PAK3: variants seen among roughly 807,000 people sequenced by gnomAD.
PAK3 encodes the protein serine/threonine-protein kinase PAK 3.
PAK3 carries 4 observed loss-of-function variants against 41.0 expected under a neutral mutation model. That is an observed-to-expected ratio of 0.10 (90% CI 0.05 to 0.22). The LOEUF (loss-of-function observed/expected upper bound fraction) is 0.22, where lower values mean the gene tolerates loss of function less well. Ranked by LOEUF, PAK3 falls within the 10% of genes least tolerant of loss-of-function variation. The pLI is 1.00. For synonymous variants in PAK3, 146 were observed against 139.6 expected (o/e 1.05, Z -0.32); for missense variants, 205 against 409.9 (o/e 0.50, Z 4.32).
intron 4 of PAK3, among the ~76,000 whole-genome samples, chrX:111,122,631 A>T (rs912093383): frequency 8.1e-5 from 9 of 111,699 alleles, no homozygotes; most frequent in African/African-American, 2.9e-4. Context: ...ATGTTAAAGC[A>T]GCTAACAAGT....
chrX:110,981,693 G>T (rs1023399511), intron 1 of PAK3, among the ~76,000 whole-genome samples: 1 of 110,759 alleles, frequency 9.0e-6, no homozygotes, highest in African/African-American at 3.3e-5. Flanking sequence ...AGCTTCAGAT[G>T]AAAATCACAA....
chrX:110,965,211 G>C (rs1181642956), intron 1 of PAK3, among the ~76,000 whole-genome samples: 1 of 112,298 alleles, frequency 8.9e-6, no homozygotes, highest in Non-Finnish European at 1.9e-5. Flanking sequence ...CCTTGGGGAG[G>C]TGGGTTTGCA....
At chrX:111,110,373 G>A (rs2093349351) in intron 4 of PAK3, among the ~76,000 whole-genome samples, 1 of 111,726 alleles carries the variant, frequency 9.0e-6, no homozygotes, top group Non-Finnish European at 1.9e-5. Flanking sequence ...TCAGATGATT[G>A]AATATTTGCA....
chrX:110,972,235 A>G (rs1450282579), intron 1 of PAK3, among the ~76,000 whole-genome samples: 1 of 111,404 alleles, frequency 9.0e-6, no homozygotes, highest in Admixed American at 9.5e-5. Flanking sequence ...TCAGTGCTTC[A>G]CTGCGTTTGA....
intron 6 of PAK3, chrX:111,146,419 C>G: frequency 1.8e-6 from 1 of 566,387 alleles, no homozygotes; most frequent in South Asian, 2.8e-5. Context: ...TTAGAAGGGA[C>G]TCCCCCCATT....
intron 1 of PAK3, among the ~76,000 whole-genome samples, chrX:110,995,724 A>C (rs1462656024): frequency 3.6e-5 from 4 of 111,069 alleles, no homozygotes; most frequent in Non-Finnish European, 7.5e-5. Context: ...GACCCTGAAT[A>C]ATCTGGCTCC....
At chrX:111,121,222 A>G (rs1175425057) in intron 4 of PAK3, among the ~76,000 whole-genome samples, 1 of 111,799 alleles carries the variant, frequency 8.9e-6, no homozygotes, top group Non-Finnish European at 1.9e-5. Flanking sequence ...ACCATTTATT[A>G]CTTAGTATTT....
intron 1 of PAK3, among the ~76,000 whole-genome samples, chrX:111,042,057 G>T (rs957832409): frequency 1.8e-5 from 2 of 112,131 alleles, no homozygotes; most frequent in African/African-American, 6.5e-5. Context: ...GACTTTTAAA[G>T]TGTTTTTCTG....
chrX:111,145,227 G>A (rs2093927884), intron 6 of PAK3, among the ~76,000 whole-genome samples: 1 of 112,023 alleles, frequency 8.9e-6, no homozygotes, highest in Non-Finnish European at 1.9e-5. Flanking sequence ...AATTGGATTT[G>A]TCTCAACTTA....
intron 1 of PAK3, among the ~76,000 whole-genome samples, chrX:110,954,897 C>A (rs184310396): frequency 2.3e-4 from 26 of 111,153 alleles, no homozygotes; most frequent in African/African-American, 8.2e-4. Flanking sequence ...GTATAGAGGA[C>A]CTCTGGGAGG....
At chrX:111,080,915 T>C (rs763458777) in intron 1 of PAK3, among the ~76,000 whole-genome samples, 3 of 111,755 alleles carry the variant, frequency 2.7e-5, no homozygotes, top group African/African-American at 9.8e-5. Flanking sequence ...AAGGAAGGTA[T>C]TCCTGTCATT....
At chrX:111,097,808 T>C (rs1199072451) in intron 3 of PAK3, 124 bp downstream of exon 3, 4 of 111,651 alleles carry the variant, frequency 3.6e-5, no homozygotes, top group African/African-American at 1.3e-4. Flanking sequence ...AATGAATGAC[T>C]AACAGGCAGA....
At chrX:111,102,033 G>A (rs1325174122) in intron 3 of PAK3, among the ~76,000 whole-genome samples, 4 of 112,040 alleles carry the variant, frequency 3.6e-5, no homozygotes, top group African/African-American at 1.3e-4. Flanking sequence ...GTTCATTCTG[G>A]TCTGTAATAA....
intron 7 of PAK3, among the ~76,000 whole-genome samples, chrX:111,149,525 T>C (rs148734364): frequency 0.013 from 1,413 of 112,147 alleles, 30 homozygotes; most frequent in African/African-American, 0.044. Context: ...TCCATACATC[T>C]TCTGAAATCT....
rs991312456 is a variant in PAK3, at chrX:111,226,724, C to T, written c.*6277C>T. 1 of 111,887 alleles carries T rather than the reference C, an allele frequency of 8.9e-6. No homozygotes were observed. The highest frequency in any genetic ancestry group is 1.9e-5 in the Non-Finnish European group (1 of 53,223). The allele number at this position is 111,887 out of a possible 1,213,427, so 9.2% of individuals were successfully genotyped here. ...GGTAAACTGGGAGTTAGTGGATGGT[C>T]CCAATGCCCTGCCTACAGCAGAGTG... On this transcript the variant is annotated 3_prime_UTR_variant, in exon 18 of 18. Coordinates refer to ENST00000372007, the MANE Select transcript of PAK3 (RefSeq NM_002578.5).
At chrX:111,032,980 A>G (rs1005441420) in intron 1 of PAK3, among the ~76,000 whole-genome samples, 2 of 111,614 alleles carry the variant, frequency 1.8e-5, no homozygotes, top group Admixed American at 1.9e-4. Flanking sequence ...TGTATGACTC[A>G]CACAGAGGAT....
At chrX:111,078,985 T>C (rs952163686) in intron 1 of PAK3, among the ~76,000 whole-genome samples, 6 of 112,203 alleles carry the variant, frequency 5.3e-5, no homozygotes, top group Admixed American at 4.7e-4. Flanking sequence ...TCTTCAATTG[T>C]ATGAAGGCTG....
chrX:110,950,050 TGAAAA>T (rs1166536887), intron 1 of PAK3, among the ~76,000 whole-genome samples: 2 of 110,682 alleles, frequency 1.8e-5, no homozygotes, highest in Admixed American at 1.9e-4. Flanking sequence ...ACTGTCTCCT[TGAAAA>T]GGACACATTT....
chrX:110,994,873 T>C (rs1343698025), intron 1 of PAK3, among the ~76,000 whole-genome samples: 2 of 111,871 alleles, frequency 1.8e-5, no homozygotes, highest in Non-Finnish European at 3.8e-5. Context: ...TAACAAACGT[T>C]TGCTGTTATT....
Sources: allele counts gnomAD v4.1 joint callset (sites outside exome capture counted in the v4.1 genomes callset), GRCh38; gene constraint gnomAD v4.1.1; transcripts MANE v1.5; gene names NCBI Gene and HGNC (gene_info 2026-07-23, HGNC 2026-07-21).